The following GRIK2 variants were observed in gnomAD, a reference collection of about 807,000 sequenced individuals.
GRIK2 encodes the protein glutamate receptor ionotropic, kainate 2.
GRIK2 carries 32 observed loss-of-function variants against 100.3 expected under a neutral mutation model. The observed-to-expected ratio is 0.32, with a 90% confidence interval of 0.24 to 0.43. The LOEUF (loss-of-function observed/expected upper bound fraction) is 0.43. Ranked by LOEUF, GRIK2 falls within the 20% of genes least tolerant of loss-of-function variation. GRIK2 has a pLI of 1.00. For missense variants in GRIK2, 843 were observed against 1,114.9 expected, an observed-to-expected ratio of 0.76 and a Z score of 3.47; for synonymous variants, 417 against 389.4, an observed-to-expected ratio of 1.07 and a Z score of -0.83.
At chr6:101,493,473 A>T (rs959028797) in intron 2 of GRIK2, among the ~76,000 whole-genome samples, 1 of 152,144 alleles carries the variant, frequency 6.6e-6, no homozygotes. Flanking sequence ...GATTTCTTAG[A>T]GACAATGACT....
intron 2 of GRIK2, among the ~76,000 whole-genome samples, chr6:101,583,610 G>A (rs1040109740): frequency 6.6e-6 from 1 of 151,932 alleles, no homozygotes; most frequent in African/African-American, 2.4e-5. Context: ...CCTATATAGT[G>A]ATGAAAAAAA....
At chr6:102,062,311 A>G (rs918726102) in intron 16 of GRIK2, among the ~76,000 whole-genome samples, 2 of 150,522 alleles carry the variant, frequency 1.3e-5, no homozygotes, top group African/African-American at 4.8e-5. Flanking sequence ...AGTATTCAAA[A>G]AATTTACATT....
intron 11 of GRIK2, among the ~76,000 whole-genome samples, chr6:101,885,324 C>A (rs1786537772): frequency 6.6e-6 from 1 of 151,972 alleles, no homozygotes; most frequent in East Asian, 1.9e-4. Flanking sequence ...AAAAGAATAT[C>A]ATTTTGGGCA....
intron 5 of GRIK2, 76 bp downstream of exon 5, chr6:101,676,880 ATAT>A: frequency 8.4e-6 from 7 of 829,544 alleles, no homozygotes; most frequent in Non-Finnish European, 1.3e-5. Context: ...TTAAATCAAA[ATAT>A]TATTGTTATG....
chr6:101,421,197 T>C (rs1288178756), intron 2 of GRIK2, among the ~76,000 whole-genome samples: 1 of 152,218 alleles, frequency 6.6e-6, no homozygotes, highest in East Asian at 1.9e-4. Flanking sequence ...AAGTAGATAC[T>C]GATCTGCTGC....
intron 15 of GRIK2, among the ~76,000 whole-genome samples, chr6:102,047,216 A>G (rs1367138150): frequency 6.6e-6 from 1 of 152,096 alleles, no homozygotes; most frequent in Non-Finnish European, 1.5e-5. Context: ...CAGAACAGAA[A>G]TACATCAAAC....
intron 2 of GRIK2, among the ~76,000 whole-genome samples, chr6:101,516,233 A>T (rs956380629): frequency 6.6e-6 from 1 of 152,102 alleles, no homozygotes; most frequent in Non-Finnish European, 1.5e-5. Context: ...ATTAGAAAAA[A>T]CAATTCTAAA....
At chr6:101,820,077 T>A (rs1781863230) in intron 10 of GRIK2, among the ~76,000 whole-genome samples, 1 of 152,178 alleles carries the variant, frequency 6.6e-6, no homozygotes, top group Non-Finnish European at 1.5e-5. Context: ...GATAACCAGT[T>A]AGCCTGCTAC....
chr6:102,024,408 A>G (rs1769584659), intron 14 of GRIK2, among the ~76,000 whole-genome samples: 1 of 151,458 alleles, frequency 6.6e-6, no homozygotes, highest in South Asian at 2.1e-4. Flanking sequence ...AAACACTACA[A>G]ATCAGGGCAA....
chr6:101,566,434 C>T (rs374963325), intron 2 of GRIK2, among the ~76,000 whole-genome samples: 1 of 151,942 alleles, frequency 6.6e-6, no homozygotes, highest in South Asian at 2.1e-4. Context: ...TGTATGCAGA[C>T]TTTCTCCTTT....
At chr6:102,057,715 T>C (rs762403397) in intron 16 of GRIK2, among the ~76,000 whole-genome samples, 3 of 151,890 alleles carry the variant, frequency 2.0e-5, no homozygotes, top group Non-Finnish European at 4.4e-5. Context: ...CCTGTCCCTG[T>C]CCACTGCTGT....
At chr6:101,501,580 G>A (rs1284142816) in intron 2 of GRIK2, among the ~76,000 whole-genome samples, 2 of 152,076 alleles carry the variant, frequency 1.3e-5, no homozygotes, top group Non-Finnish European at 2.9e-5. Context: ...GACAAGTGAG[G>A]CAATTACCAG....
chr6:101,773,425 A>G (rs1778530397), intron 7 of GRIK2, among the ~76,000 whole-genome samples: 1 of 150,080 alleles, frequency 6.7e-6, no homozygotes, highest in Non-Finnish European at 1.5e-5. Flanking sequence ...GGTTGCAGTG[A>G]GCCGAGATCG....
chr6:101,586,892 C>CAAA (rs1199378638), intron 2 of GRIK2, among the ~76,000 whole-genome samples: 79 of 53,864 alleles, frequency 1.5e-3, no homozygotes, highest in East Asian at 3.1e-3. Flanking sequence ...TCTGTCTTAA[C>CAAA]AAAAAAAAAA....
intron 14 of GRIK2, among the ~76,000 whole-genome samples, chr6:102,016,831 C>A (rs989710704): frequency 6.6e-6 from 1 of 152,066 alleles, no homozygotes; most frequent in Admixed American, 6.6e-5. Context: ...TCATCAGATT[C>A]TCCAAGGTCA....
At chr6:102,049,408 G>A (rs1389351493) in intron 15 of GRIK2, among the ~76,000 whole-genome samples, 1 of 151,996 alleles carries the variant, frequency 6.6e-6, no homozygotes, top group Non-Finnish European at 1.5e-5. Context: ...TGTTTCTAAA[G>A]CCATACAAAT....
rs1403219001 is a variant in GRIK2, at chr6:101,653,970, C to T, written c.542-22653C>T. On this transcript the variant is annotated intron_variant, in intron 4 of 16. Coordinates refer to ENST00000369134, the MANE Select transcript of GRIK2 (RefSeq NM_021956.5). ...ATTATACCGGCTTATGCACTTCTCT[C>T]ATGGTAATACTTTTCATAATGTACC... Among the ~76,000 whole-genome samples, 3 of 152,100 alleles carry T rather than the reference C, an allele frequency of 2.0e-5. No individual in the cohort carries two copies. The East Asian group carries it at 5.8e-4, about 29-fold the overall frequency.
At chr6:101,539,344 T>A (rs922409009) in intron 2 of GRIK2, among the ~76,000 whole-genome samples, 2 of 151,750 alleles carry the variant, frequency 1.3e-5, no homozygotes, top group Non-Finnish European at 3.0e-5. Flanking sequence ...TAAAGTACTG[T>A]AATCTAAACT....
At chr6:101,541,376 C>CCCA (rs1554217240) in intron 2 of GRIK2, among the ~76,000 whole-genome samples, 231 of 5,594 alleles carry the variant, frequency 0.041, 3 homozygotes, top group East Asian at 0.28. Context: ...GCGCACACAA[C>CCCA]CACACACACA....
Sources: allele counts gnomAD v4.1 joint callset (sites outside exome capture counted in the v4.1 genomes callset), GRCh38; gene constraint gnomAD v4.1.1; transcripts MANE v1.5; gene names NCBI Gene and HGNC (gene_info 2026-07-23, HGNC 2026-07-21).